ASXL2: variants seen among roughly 807,000 people sequenced by gnomAD.
ASXL2 encodes ASXL transcriptional regulator 2.
A neutral mutation model predicts 122.0 loss-of-function variants in ASXL2; 23 were observed. The observed-to-expected ratio is 0.19, with a 90% CI of 0.14 to 0.27. The LOEUF (loss-of-function observed/expected upper bound fraction) is 0.27. ASXL2 is among the 10% of genes least tolerant of loss of function. ASXL2 has a pLI of 1.00. For missense variants in ASXL2, 1,518 were observed against 1,713.8 expected (o/e 0.89, Z 2.02); for synonymous variants, 650 against 637.0 (o/e 1.02, Z -0.31).
At chr2:25,848,419 G>A (rs1194864840) in intron 1 of ASXL2, among the ~76,000 whole-genome samples, 4 of 151,866 alleles carry the variant, frequency 2.6e-5, no homozygotes, top group East Asian at 2.0e-4. Flanking sequence ...TCAGGAGATC[G>A]AGACCATCCT....
chr2:25,791,215 G>A (rs181993997), intron 5 of ASXL2, among the ~76,000 whole-genome samples: 6 of 152,116 alleles, frequency 3.9e-5, no homozygotes, highest in Non-Finnish European at 7.4e-5. Context: ...GAGGCCGGGC[G>A]TGGAGGCCTA....
intron 3 of ASXL2, among the ~76,000 whole-genome samples, chr2:25,811,037 C>G (rs1239936330): frequency 7.2e-6 from 1 of 139,358 alleles, no homozygotes; most frequent in Admixed American, 7.3e-5. Context: ...ACCCCTGTCT[C>G]TACAAAAAAT....
chr2:25,869,266 G>A (rs1183578836), intron 1 of ASXL2, among the ~76,000 whole-genome samples: 1 of 151,990 alleles, frequency 6.6e-6, no homozygotes, highest in Admixed American at 6.6e-5. Flanking sequence ...GGGAGGTCAA[G>A]GCTGCAGTCA....
intron 9 of ASXL2, 113 bp downstream of exon 9, chr2:25,759,369 T>A: frequency 8.5e-7 from 1 of 1,174,018 alleles, no homozygotes; most frequent in African/African-American, 1.5e-5. Flanking sequence ...AAAACCTGCC[T>A]ATTAAGAAAC....
chr2:25,833,824 T>C (rs2089480470), intron 3 of ASXL2, among the ~76,000 whole-genome samples: 1 of 152,172 alleles, frequency 6.6e-6, no homozygotes, highest in Admixed American at 6.6e-5. Flanking sequence ...CACTCTTCCC[T>C]TAAAGTTTAA....
intron 3 of ASXL2, among the ~76,000 whole-genome samples, chr2:25,824,927 G>GAAA (rs1372614602): frequency 6.6e-6 from 1 of 152,060 alleles, no homozygotes; most frequent in Admixed American, 6.6e-5. Flanking sequence ...AAGTATACAT[G>GAAA]GCCCATCAAC....
chr2:25,752,826 C>T (rs1298517940), intron 11 of ASXL2, among the ~76,000 whole-genome samples: 1 of 137,506 alleles, frequency 7.3e-6, no homozygotes, highest in Non-Finnish European at 1.5e-5. Flanking sequence ...GCCTGGGCGA[C>T]AAGAGTGAAA....
At chr2:25,745,010 C>T (rs2087918012) in intron 12 of ASXL2, among the ~76,000 whole-genome samples, 1 of 151,178 alleles carries the variant, frequency 6.6e-6, no homozygotes, top group African/African-American at 2.4e-5. Flanking sequence ...ATTACACAGG[C>T]TTCTAGACAG....
intron 6 of ASXL2, 35 bp downstream of exon 6, chr2:25,771,405 A>G (rs749082001): frequency 1.9e-6 from 3 of 1,564,392 alleles, no homozygotes; most frequent in African/African-American, 2.7e-5. Context: ...AATACAGGAA[A>G]TTCTACTTGA....
intron 1 of ASXL2, chr2:25,856,933 A>T: frequency 1.7e-6 from 1 of 591,542 alleles, no homozygotes; most frequent in Non-Finnish European, 3.1e-6. Context: ...AGTGTCCTAT[A>T]CCTCATTTTT....
At chr2:25,751,191 G>A (rs2088038716) in intron 11 of ASXL2, among the ~76,000 whole-genome samples, 1 of 152,196 alleles carries the variant, frequency 6.6e-6, no homozygotes, top group Admixed American at 6.5e-5. Context: ...GCCTTCTTTG[G>A]TGACTTCAAA....
intron 4 of ASXL2, among the ~76,000 whole-genome samples, 189 bp from the exon 5 acceptor site, chr2:25,799,724 A>G (rs758836819): frequency 1.1e-4 from 17 of 152,250 alleles, no homozygotes; most frequent in Non-Finnish European, 2.2e-4. Context: ...GTTTCCAACT[A>G]TATCCGAAGA....
Position 25,744,132 on chromosome 2 carries a change from T to G in ASXL2, c.2205A>C (p.Gly735=). The G allele has an allele frequency of 6.2e-7, 1 of 1,613,956 alleles. No individual in the cohort carries two copies. Among genetic ancestry groups the G allele is most frequent in the East Asian group, 2.2e-5 (1 of 44,888 alleles). ...KGPTLELAGT[G]SRGGTRELLP... is the part of the protein sequence containing the mutation. Reference sequence around the variant, plus strand: ...AAAGCTCTCTCGTACCTCCCCTGCTTCCAGTTCCTGCCAGTTCCAGTGTGG... The same window carrying G: ...AAAGCTCTCTCGTACCTCCCCTGCTGCCAGTTCCTGCCAGTTCCAGTGTGG... Residue 735 remains glycine, a synonymous_variant, in exon 13 of 13, where the codon GGA becomes GGC. Coordinates refer to ENST00000435504, the MANE Select transcript of ASXL2 (RefSeq NM_018263.6). This position sits in a 1 kb window ranked among gnomAD's most constrained non-coding sequence, Gnocchi z 4.7.
chr2:25,767,810 A>G, intron 7 of ASXL2, 84 bp from the exon 8 acceptor site: 5 of 1,493,748 alleles, frequency 3.3e-6, no homozygotes, highest in South Asian at 2.4e-5. Context: ...CATTCACTAA[A>G]TGAAGTTATG....
chr2:25,863,658 A>G (rs2089864626), intron 1 of ASXL2, among the ~76,000 whole-genome samples: 1 of 151,802 alleles, frequency 6.6e-6, no homozygotes, highest in African/African-American at 2.4e-5. Context: ...GCGCCACTGC[A>G]CTCCAGCCTC....
At chr2:25,763,447 G>A (rs372315896) in intron 8 of ASXL2, among the ~76,000 whole-genome samples, 5 of 151,348 alleles carry the variant, frequency 3.3e-5, no homozygotes, top group East Asian at 3.9e-4. Context: ...CCAAGATCAC[G>A]CCACTGCACT....
At position 25,782,888 on chromosome 2, in the gene ASXL2, G is replaced by A. The variant is rs375132975; in HGVS notation, c.404-11348C>T. Among the ~76,000 whole-genome samples, 65 of 152,102 alleles carry A rather than the reference G, an allele frequency of 4.3e-4. No individual in the cohort carries two copies. The East Asian group carries it at 0.011, about 27-fold the overall frequency. On this transcript the variant is annotated intron_variant, in intron 5 of 12. Coordinates refer to ENST00000435504, the MANE Select transcript of ASXL2 (RefSeq NM_018263.6). ...CACGCCTGTAACCCCAGCACTTTGGGAAGCCAAGGTGGGCGGATCACTTGA... is the reference window on the plus strand; with the variant it reads ...CACGCCTGTAACCCCAGCACTTTGGAAAGCCAAGGTGGGCGGATCACTTGA...
rs546086110 is a variant in ASXL2 at position 25,737,116 on chromosome 2, T to C, written c.*4913A>G. 7 of 152,192 alleles carry C rather than the reference T, an allele frequency of 4.6e-5. No individual in the cohort carries two copies. The East Asian group carries it at 9.7e-4, about 21-fold the overall frequency. The allele number at this position is 152,192 out of a possible 1,614,324, so 9.4% of individuals were successfully genotyped here. The stretch of plus-strand genomic sequence containing the variant: ...TAGAACCTAATCAAGGCACAGGTGT[T>C]TCTCTTCACATTATTTTCCTTGCTC... On this transcript the variant is annotated 3_prime_UTR_variant, in exon 13 of 13. Transcript: ENST00000435504.
intron 10 of ASXL2, among the ~76,000 whole-genome samples, chr2:25,755,479 A>G (rs181792456): frequency 2.0e-5 from 3 of 152,342 alleles, no homozygotes; most frequent in Admixed American, 2.0e-4. Flanking sequence ...ACTTACTACA[A>G]TGTTCTGACT....
Sources: allele counts gnomAD v4.1 joint callset (sites outside exome capture counted in the v4.1 genomes callset), GRCh38; gene constraint gnomAD v4.1.1; non-coding constraint Gnocchi (gnomAD v3.1); transcripts MANE v1.5; gene names NCBI Gene and HGNC (gene_info 2026-07-23, HGNC 2026-07-21).